Variants in ROBO2 observed in about 807,000 individuals in gnomAD.
ROBO2 encodes roundabout guidance receptor 2.
In ROBO2, 53 loss-of-function variants were observed where a neutral mutation model predicts 160.8. The observed-to-expected ratio is 0.33, with a 90% CI of 0.26 to 0.41. The LOEUF (loss-of-function observed/expected upper bound fraction) is 0.41. Ranked by LOEUF, ROBO2 falls within the 10% of genes least tolerant of loss-of-function variation. The pLI, the probability that ROBO2 is intolerant of heterozygous loss-of-function variation, is 1.00. For missense variants in ROBO2, 1,577 were observed against 1,722.4 expected (o/e 0.92, Z 1.49); for synonymous variants, 664 against 611.7 (o/e 1.09, Z -1.26).
rs565275334 is a variant in ROBO2 at position 75,922,045 on chromosome 3, G to A, written c.-14+15085G>A. 4.6e-5 allele frequency among the ~76,000 whole-genome samples: 7 copies of A among 152,220 alleles called. No homozygotes were observed. The East Asian group carries it at 1.4e-3, about 29-fold the overall frequency. On this transcript the variant is annotated intron_variant, in intron 1 of 26. Transcript: ENST00000487694. Reference sequence around the variant, plus strand: ...TAGTGGTGGGGAAGAAGAACTGACTGTCATGCTTGAATTCGCATAATTTCA... The same window carrying A: ...TAGTGGTGGGGAAGAAGAACTGACTATCATGCTTGAATTCGCATAATTTCA...
At chr3:77,620,854 A>G (rs1216363459) in intron 22 of ROBO2, among the ~76,000 whole-genome samples, 2 of 152,240 alleles carry the variant, frequency 1.3e-5, no homozygotes, top group Non-Finnish European at 2.9e-5. Context: ...AAAAATGCAT[A>G]GTACTTTTTA....
At chr3:77,293,465 G>C (rs1467723382) in intron 2 of ROBO2, among the ~76,000 whole-genome samples, 1 of 147,746 alleles carries the variant, frequency 6.8e-6, no homozygotes, top group Non-Finnish European at 1.5e-5. Flanking sequence ...TAAAATTGAC[G>C]GTTAAATGGG....
At chr3:75,937,661 A>G (rs1478667922) in intron 2 of ROBO2, 2 of 1,075,068 alleles carry the variant, frequency 1.9e-6, no homozygotes, top group East Asian at 5.5e-5. Flanking sequence ...CTTTATGATG[A>G]TATTATGTGA....
chr3:77,117,277 T>C (rs542562957), intron 2 of ROBO2, among the ~76,000 whole-genome samples: 1 of 152,164 alleles, frequency 6.6e-6, no homozygotes, highest in African/African-American at 2.4e-5. Flanking sequence ...TATTAAAAAA[T>C]TTAAGGCATT....
chr3:76,182,044 G>A (rs1032083725), intron 2 of ROBO2, among the ~76,000 whole-genome samples: 1 of 152,126 alleles, frequency 6.6e-6, no homozygotes, highest in African/African-American at 2.4e-5. Flanking sequence ...TGAGAACTAG[G>A]ATATGTATGG....
intron 2 of ROBO2, among the ~76,000 whole-genome samples, chr3:77,297,743 T>C (rs1187866709): frequency 6.6e-6 from 1 of 152,182 alleles, no homozygotes; most frequent in African/African-American, 2.4e-5. Flanking sequence ...TAGACGCTAG[T>C]TAACACTCAG....
intron 2 of ROBO2, among the ~76,000 whole-genome samples, chr3:76,216,346 A>G (rs957196229): frequency 4.8e-4 from 73 of 152,332 alleles, no homozygotes; most frequent in Non-Finnish European, 5.9e-5. Context: ...AAATACTCCA[A>G]TTAAAAGACA....
intron 16 of ROBO2, among the ~76,000 whole-genome samples, chr3:77,582,775 C>T (rs928983123): frequency 2.6e-5 from 4 of 152,048 alleles, no homozygotes; most frequent in African/African-American, 7.2e-5. Context: ...TTGCCTTAAA[C>T]ATCAGTTATC....
chr3:76,593,139 T>A (rs1044783081), intron 2 of ROBO2, among the ~76,000 whole-genome samples: 9 of 152,112 alleles, frequency 5.9e-5, no homozygotes, highest in Non-Finnish European at 7.4e-5. Context: ...TCATGCTGAA[T>A]ACACACATGA....
intron 2 of ROBO2, among the ~76,000 whole-genome samples, chr3:76,654,943 T>G (rs546455287): frequency 1.2e-3 from 130 of 109,126 alleles, no homozygotes; most frequent in African/African-American, 3.8e-3. Flanking sequence ...ATATATAAAT[T>G]TAAAGTTCAA....
chr3:76,957,754 C>T (rs964898260), intron 2 of ROBO2, among the ~76,000 whole-genome samples: 2 of 151,796 alleles, frequency 1.3e-5, no homozygotes, highest in Admixed American at 6.6e-5. Flanking sequence ...TCGCTTGAAC[C>T]CAGGAGGCAG....
At position 77,392,675 on chromosome 3, in the gene ROBO2, G is replaced by A. The variant is rs116291712; in HGVS notation, c.389-84739G>A. Among the ~76,000 whole-genome samples, 1,296 of 152,080 alleles carry A rather than the reference G, an allele frequency of 8.5e-3. 14 individuals carry two copies. Among genetic ancestry groups the A allele is most frequent in the Non-Finnish European group, 0.013 (855 of 68,004 alleles). On this transcript the variant is annotated intron_variant, in intron 2 of 25. Transcript: ENST00000461745. Reference sequence around the variant, plus strand: ...ATCCATTGATTTCCTCCAGTTGTTCGAACATGAGTCTGACCTAATCCTGCC... The same window carrying A: ...ATCCATTGATTTCCTCCAGTTGTTCAAACATGAGTCTGACCTAATCCTGCC...
intron 2 of ROBO2, among the ~76,000 whole-genome samples, chr3:76,245,234 A>G (rs2132292): frequency 0.12 from 18,878 of 152,216 alleles, 1,836 homozygotes; most frequent in East Asian, 0.41. Context: ...TAATGCTTCA[A>G]ATATGTGGGT....
intron 2 of ROBO2, among the ~76,000 whole-genome samples, chr3:76,529,808 C>T (rs1560099533): frequency 6.6e-6 from 1 of 152,066 alleles, no homozygotes. Context: ...TCTATTCTCC[C>T]TTGCAGCATT....
At chr3:76,783,858 T>G (rs2108637741) in intron 2 of ROBO2, among the ~76,000 whole-genome samples, 1 of 151,226 alleles carries the variant, frequency 6.6e-6, no homozygotes, top group Non-Finnish European at 1.5e-5. Flanking sequence ...ATGTGTACAT[T>G]AGTTCACTTG....
chr3:76,577,860 A>G (rs1420695643), intron 2 of ROBO2, among the ~76,000 whole-genome samples: 1 of 152,148 alleles, frequency 6.6e-6, no homozygotes, highest in Non-Finnish European at 1.5e-5. Flanking sequence ...TCATTAAGAC[A>G]CTTCAAAAGC....
In ROBO2 at chr3:77,538,265, G is replaced by A. The variant is rs1317992124; in HGVS notation, c.935-8073G>A. ...GCGATCTCGGCTCACTGCAAGCTCC[G>A]CCTCCCGGGTTCACGCCATTCTCCT... On this transcript the variant is annotated intron_variant, in intron 6 of 25. Transcript: ENST00000461745. Among the ~76,000 whole-genome samples the A allele has an allele frequency of 4.4e-5, 6 of 137,926 alleles. No individual in the cohort carries two copies. In the East Asian group the frequency reaches 9.3e-4, roughly 21 times the overall value. The allele number at this position is 137,926 out of a possible 152,430, so 90.5% of individuals were successfully genotyped here. A position where few individuals can be genotyped will look rare whatever the true frequency, so the allele number is the denominator to read the frequency against.
chr3:77,458,237 A>T (rs1458275653), intron 2 of ROBO2, among the ~76,000 whole-genome samples: 1 of 152,222 alleles, frequency 6.6e-6, no homozygotes, highest in African/African-American at 2.4e-5. Flanking sequence ...TAACCTCCAG[A>T]GGGCAAAGAA....
At chr3:76,184,307 C>T (rs1026243364) in intron 2 of ROBO2, among the ~76,000 whole-genome samples, 3 of 151,930 alleles carry the variant, frequency 2.0e-5, no homozygotes, top group Non-Finnish European at 2.9e-5. Context: ...AGTGGGTTGC[C>T]CTGGGCTTGT....
Sources: allele counts gnomAD v4.1 joint callset (sites outside exome capture counted in the v4.1 genomes callset), GRCh38; gene constraint gnomAD v4.1.1; transcripts MANE v1.5; gene names NCBI Gene and HGNC (gene_info 2026-07-23, HGNC 2026-07-21).